The following VIRMA variants were observed in gnomAD, a reference collection of about 807,000 sequenced individuals.
The protein encoded by VIRMA is protein virilizer homolog.
A neutral mutation model predicts 182.4 loss-of-function variants in VIRMA; 65 were observed. The ratio of observed to expected loss-of-function variants is 0.36; its 90% CI spans 0.29 to 0.44. The LOEUF is 0.44. VIRMA is among the 20% of genes least tolerant of loss of function. The pLI is 1.00. For missense variants in VIRMA, 1,752 were observed against 2,158.1 expected, an observed-to-expected ratio of 0.81 and a Z score of 3.73; for synonymous variants, 709 against 743.1, an observed-to-expected ratio of 0.95 and a Z score of 0.75.
In VIRMA at chr8:94,526,706, A is replaced by G. The variant is rs778414377; in HGVS notation, c.1538T>C (p.Met513Thr). Residue 513 changes from methionine (M) to threonine (T), a missense_variant, in exon 8 of 24, where the codon ATG becomes ACG. Transcript: ENST00000297591. ...TAAAAAAGCTTCCATTCCTTCTGTC[A>G]TACTAATGACACTGTCCAAAGCTTT... The part of the protein sequence containing the change: ...AFKALDSVIS[M>T]TEGMEAFLRG... The G allele has an allele frequency of 1.1e-5, 17 of 1,613,744 alleles. No individual in the cohort carries two copies. Among genetic ancestry groups the G allele is most frequent in the Non-Finnish European group, 1.4e-5 (17 of 1,180,020 alleles).
chr8:94,531,179 A>AT (rs1412028640), intron 5 of VIRMA, 94 bp from the exon 6 acceptor site: 4 of 1,299,102 alleles, frequency 3.1e-6, no homozygotes, highest in Non-Finnish European at 4.0e-6. Flanking sequence ...CTTACATGTG[A>AT]TTTTTTTAAA....
intron 2 of VIRMA, among the ~76,000 whole-genome samples, chr8:94,543,581 T>TAA (rs1334719366): frequency 6.8e-6 from 1 of 147,978 alleles, no homozygotes; most frequent in African/African-American, 2.5e-5. Flanking sequence ...CACCATCAGT[T>TAA]AAAAAAAAAA....
intron 2 of VIRMA, among the ~76,000 whole-genome samples, chr8:94,540,363 G>C (rs572048259): frequency 6.6e-6 from 1 of 151,328 alleles, no homozygotes; most frequent in East Asian, 1.9e-4. Context: ...AAAAGTAACA[G>C]CAAAATAACA....
At chr8:94,510,924 A>T in intron 13 of VIRMA, 2 of 1,245,156 alleles carry the variant, frequency 1.6e-6, no homozygotes. Context: ...GGGGGAAAGG[A>T]TTTAAAATAA....
At chr8:94,500,211 A>G (rs113379792) in intron 16 of VIRMA, among the ~76,000 whole-genome samples, 22,572 of 151,952 alleles carry the variant, frequency 0.15, 2,090 homozygotes, top group South Asian at 0.3. Flanking sequence ...CATCCTGGCT[A>G]ACACAGTAAA....
chr8:94,544,070 A>T (rs550447064), intron 1 of VIRMA, 128 bp from the exon 2 acceptor site: 1 of 578,468 alleles, frequency 1.7e-6, no homozygotes, highest in East Asian at 2.9e-5. Flanking sequence ...AATATCATTA[A>T]ATATATTATT....
intron 23 of VIRMA, 25 bp downstream of exon 23, chr8:94,489,914 A>G (rs1256724860): frequency 4.4e-6 from 7 of 1,606,350 alleles, no homozygotes; most frequent in Non-Finnish European, 5.9e-6. Context: ...TTCTCTCAGC[A>G]ATATCAAGTA....
chr8:94,494,830 T>G, intron 20 of VIRMA, 30 bp downstream of exon 20: 1 of 1,244,422 alleles, frequency 8.0e-7, no homozygotes, highest in Non-Finnish European at 1.2e-6. Flanking sequence ...AACAATAACG[T>G]TTTTCTAAAT....
At chr8:94,507,402 T>C (rs1030199331) in intron 15 of VIRMA, among the ~76,000 whole-genome samples, 9 of 151,770 alleles carry the variant, frequency 5.9e-5, no homozygotes, top group Middle Eastern at 3.4e-3. Context: ...CCCAAAGTGC[T>C]GGGATTACAG....
intron 23 of VIRMA, 107 bp downstream of exon 23, chr8:94,489,832 G>A (rs1813554607): frequency 8.3e-7 from 1 of 1,209,536 alleles, no homozygotes; most frequent in Non-Finnish European, 1.2e-6. Flanking sequence ...GGAGCAAGGA[G>A]ATGGGGAGAT....
chr8:94,514,420 T>C (rs1814486208), intron 11 of VIRMA, among the ~76,000 whole-genome samples: 2 of 152,356 alleles, frequency 1.3e-5, no homozygotes, highest in South Asian at 4.1e-4. Flanking sequence ...GATTCAACCA[T>C]ACCAAATTAA....
At chr8:94,491,121 C>T (rs79220040) in intron 22 of VIRMA, among the ~76,000 whole-genome samples, 5,081 of 150,442 alleles carry the variant, frequency 0.034, 195 homozygotes, top group Non-Finnish European at 0.053. Context: ...TGAGACTAGC[C>T]TGGCAAACAC....
At position 94,529,302 on chromosome 8, in the gene VIRMA, ATCT is replaced by A. The variant is rs1815079098; in HGVS notation, c.645_647del (p.Glu215del). ...GATCAGGAGAAATGGGCTCAAAGTA[ATCT>A]TCTCTATGAGGAGCATCCTCTTCCT... On this transcript the variant is annotated inframe_deletion, in exon 7 of 24. Transcript: ENST00000297591. The A allele has an allele frequency of 1.2e-6, 2 of 1,612,862 alleles. No homozygotes were observed. The highest frequency in any genetic ancestry group is 1.3e-5 in the African/African-American group (1 of 74,886).
At chr8:94,511,030 C>A in intron 13 of VIRMA, 155 bp downstream of exon 13, 2 of 1,415,428 alleles carry the variant, frequency 1.4e-6, no homozygotes, top group South Asian at 1.7e-5. Context: ...CCTCAATGAC[C>A]AACTTGTTTC....
rs768142518 is a variant in VIRMA at position 94,509,990 on chromosome 8, ATTGT to A, written c.3627-54_3627-51del. 189 of 1,494,158 alleles carry A rather than the reference ATTGT, an allele frequency of 1.3e-4. 1 individual carries two copies. The highest frequency in any genetic ancestry group is 4.2e-4 in the Admixed American group (20 of 47,612). The allele number at this position is 1,494,158 out of a possible 1,614,324, so 92.6% of individuals were successfully genotyped here. A position where few individuals can be genotyped will look rare whatever the true frequency, so the allele number is the denominator to read the frequency against. ...TAAACAAAGTTCTTGACCTTAAGGC[ATTGT>A]TTAACTAGTATTTATTTCTCAATAC... On this transcript the variant is annotated intron_variant, in intron 14 of 23. Transcript: ENST00000297591.
At position 94,543,810 on chromosome 8, in the gene VIRMA, A is replaced by C; in HGVS notation, c.179+17T>G. The C allele has an allele frequency of 7.4e-7, 1 of 1,354,726 alleles. No homozygotes were observed. The highest frequency in any genetic ancestry group is 1.0e-6 in the Non-Finnish European group (1 of 965,870). 83.9% of individuals were successfully genotyped at this position (1,354,726 alleles called of 1,614,324 possible). A position where few individuals can be genotyped will look rare whatever the true frequency, so the allele number is the denominator to read the frequency against. On this transcript the variant is annotated intron_variant, in intron 2 of 23. Coordinates refer to ENST00000297591, the MANE Select transcript of VIRMA (RefSeq NM_015496.5). ...ATCTTTAACCAAAAAATACTTTTAAAAAGAGAGTTGACTTACCCATATGCT... is the reference window on the plus strand; with the variant it reads ...ATCTTTAACCAAAAAATACTTTTAACAAGAGAGTTGACTTACCCATATGCT...
In VIRMA at chr8:94,508,068, A is replaced by C. The variant is rs554332733; in HGVS notation, c.3880-1351T>G. Among the ~76,000 whole-genome samples the C allele has an allele frequency of 2.8e-4, 43 of 151,432 alleles. No individual in the cohort carries two copies. The South Asian group carries it at 9.0e-3, about 32-fold the overall frequency. On this transcript the variant is annotated intron_variant, in intron 15 of 23. Transcript: ENST00000297591. ...AGTTTAGCTAATGATAACTCTAAAA[A>C]CTCCTGCTACTCTTTATAGAAGTAA...
At chr8:94,504,276 T>C (rs1814082002) in intron 16 of VIRMA, among the ~76,000 whole-genome samples, 1 of 152,014 alleles carries the variant, frequency 6.6e-6, no homozygotes, top group South Asian at 2.1e-4. Flanking sequence ...CTTGATGATC[T>C]TTCTCCCATT....
intron 14 of VIRMA, 111 bp from the exon 15 acceptor site, chr8:94,510,051 T>C (rs1586078343): frequency 4.2e-6 from 4 of 961,024 alleles, no homozygotes; most frequent in East Asian, 5.1e-5. Context: ...GCATAAAACA[T>C]TTAATTCCTT....
Sources: gnomAD v4.1 joint callset for allele counts (sites outside exome capture counted in the v4.1 genomes callset) on GRCh38, gnomAD v4.1.1 for gene constraint, MANE v1.5 for transcripts, NCBI Gene and HGNC (gene_info 2026-07-23, HGNC 2026-07-21) for gene names.